Variants in NRF1 observed in about 807,000 individuals in gnomAD.
NRF1 encodes alpha palindromic-binding protein.
A neutral mutation model predicts 58.5 loss-of-function variants in NRF1; 5 were observed. That is an observed-to-expected ratio of 0.09 (90% confidence interval 0.04 to 0.18). The LOEUF is 0.18. Among genes scored for constraint, NRF1 ranks in the 10% least tolerant of loss-of-function variants. NRF1 has a pLI of 1.00. For missense variants in NRF1, 288 were observed against 657.7 expected (o/e 0.44, Z 6.15); for synonymous variants, 224 against 246.7 (o/e 0.91, Z 0.86).
Position 129,611,757 on chromosome 7 carries a change from A to T in NRF1, c.-74A>T. The T allele has an allele frequency of 3.2e-6, 1 of 310,908 alleles. No individual in the cohort carries two copies. Among genetic ancestry groups the T allele is most frequent in the Admixed American group, 5.0e-5 (1 of 19,828 alleles). The allele number at this position is 310,908 out of a possible 1,614,324, so 19.3% of individuals were successfully genotyped here. ...GCTCGCCATTGCCGCTGGTGGCAGG[A>T]GGCTGCGAGGAGCCGGCGCGGTCGC... On this transcript the variant is annotated 5_prime_UTR_variant, in exon 1 of 11. Transcript: ENST00000393232.
chr7:129,673,173 T>C (rs1232008008), intron 3 of NRF1, among the ~76,000 whole-genome samples: 1 of 152,172 alleles, frequency 6.6e-6, no homozygotes, highest in Non-Finnish European at 1.5e-5. Context: ...GAGTTCATGA[T>C]TGAACTTGAC....
intron 1 of NRF1, among the ~76,000 whole-genome samples, chr7:129,637,212 A>G (rs1801185285): frequency 6.6e-6 from 1 of 151,540 alleles, no homozygotes; most frequent in African/African-American, 2.4e-5. Flanking sequence ...TTACATTTTG[A>G]GGTTCTGTAC....
intron 5 of NRF1, among the ~76,000 whole-genome samples, chr7:129,707,923 TAAG>T (rs1198706152): frequency 1.3e-5 from 2 of 152,224 alleles, no homozygotes; most frequent in African/African-American, 4.8e-5. Context: ...ATAAGAATGA[TAAG>T]AATACCTGAT....
At chr7:129,744,115 C>T (rs1803912746) in intron 10 of NRF1, 1 of 1,470,080 alleles carries the variant, frequency 6.8e-7, no homozygotes, top group East Asian at 2.5e-5. Flanking sequence ...GGCTGGTGGC[C>T]CATCTTGCCC....
intron 10 of NRF1, 56 bp downstream of exon 10, chr7:129,727,421 C>T: frequency 6.6e-7 from 1 of 1,520,940 alleles, no homozygotes; most frequent in African/African-American, 1.4e-5. Flanking sequence ...TTAAACCTTC[C>T]TGACATGACT....
intron 8 of NRF1, among the ~76,000 whole-genome samples, chr7:129,712,708 G>A (rs1803101889): frequency 6.6e-6 from 1 of 152,196 alleles, no homozygotes; most frequent in Non-Finnish European, 1.5e-5. Context: ...CAAAGCGTAT[G>A]TGCCTCCTTT....
At chr7:129,678,200 T>C (rs1326765160) in intron 4 of NRF1, among the ~76,000 whole-genome samples, 1 of 152,230 alleles carries the variant, frequency 6.6e-6, no homozygotes, top group East Asian at 1.9e-4. Context: ...AGAATTGATT[T>C]AATACTGTGC....
At chr7:129,663,385 G>A (rs926267002) in intron 2 of NRF1, among the ~76,000 whole-genome samples, 3 of 149,666 alleles carry the variant, frequency 2.0e-5, no homozygotes, top group African/African-American at 4.9e-5. Context: ...GGTGGTGGCC[G>A]GACAGAGGCG....
At chr7:129,692,523 A>G (rs1176668781) in intron 5 of NRF1, among the ~76,000 whole-genome samples, 1 of 152,176 alleles carries the variant, frequency 6.6e-6, no homozygotes, top group Non-Finnish European at 1.5e-5. Flanking sequence ...ACTGCACTCC[A>G]GCCTAGGTGA....
intron 1 of NRF1, among the ~76,000 whole-genome samples, chr7:129,619,393 C>G (rs1472602248): frequency 2.4e-5 from 1 of 42,186 alleles, no homozygotes; most frequent in Non-Finnish European, 4.2e-5. Context: ...ACTTGGCATA[C>G]GTGTATATAT....
intron 1 of NRF1, among the ~76,000 whole-genome samples, chr7:129,655,392 A>G (rs1801628544): frequency 6.6e-6 from 1 of 152,156 alleles, no homozygotes; most frequent in Non-Finnish European, 1.5e-5. Flanking sequence ...GAAGAAAGAC[A>G]GTTCTATTTC....
intron 10 of NRF1, among the ~76,000 whole-genome samples, chr7:129,740,417 G>A (rs1405446445): frequency 1.3e-5 from 2 of 152,314 alleles, no homozygotes; most frequent in Middle Eastern, 3.4e-3. Flanking sequence ...TAGGGCCAGG[G>A]CCAGTGAGTC....
intron 1 of NRF1, among the ~76,000 whole-genome samples, chr7:129,614,443 T>TTGTG (rs56403369): frequency 0.071 from 10,328 of 145,800 alleles, 951 homozygotes; most frequent in East Asian, 0.46. Context: ...AAATATGTAT[T>TTGTG]TGTGTGTGTG....
In NRF1 at chr7:129,755,256, T is replaced by A. The variant is rs1428709544; in HGVS notation, c.*75T>A. On this transcript the variant is annotated 3_prime_UTR_variant, in exon 11 of 11. Transcript: ENST00000393232. The surrounding 1 kb of genome is among the most constrained non-coding windows in gnomAD (Gnocchi z 5.8). ...ACACGTTTGCAGAGGTGCAATCAAA[T>A]GGAATTAAGTCTCTCGACTTTGGAA... The A allele has an allele frequency of 3.9e-6, 5 of 1,287,312 alleles. No homozygotes were observed. Among genetic ancestry groups the A allele is most frequent in the Non-Finnish European group, 5.2e-6 (5 of 968,562 alleles). The allele number at this position is 1,287,312 out of a possible 1,614,324, so 79.7% of individuals were successfully genotyped here.
intron 10 of NRF1, among the ~76,000 whole-genome samples, chr7:129,737,916 C>G (rs1161410958): frequency 6.6e-6 from 1 of 152,084 alleles, no homozygotes; most frequent in Non-Finnish European, 1.5e-5. Flanking sequence ...GCAGGCAGCC[C>G]CTAAGCAACT....
chr7:129,704,212 G>C (rs911248801), intron 5 of NRF1, among the ~76,000 whole-genome samples: 1 of 152,038 alleles, frequency 6.6e-6, no homozygotes, highest in African/African-American at 2.4e-5. Flanking sequence ...TTGATCATTG[G>C]TCCAAATGAT....
At chr7:129,647,624 G>A (rs374593948) in intron 1 of NRF1, among the ~76,000 whole-genome samples, 3 of 152,232 alleles carry the variant, frequency 2.0e-5, no homozygotes, top group South Asian at 2.1e-4. Context: ...TCAAACTTCT[G>A]ACCTCGCGAT....
Position 129,690,393 on chromosome 7 carries a change from T to C in NRF1, c.466-13T>C. 1 of 1,610,748 alleles carries C rather than the reference T, an allele frequency of 6.2e-7. No individual in the cohort carries two copies. ...TGGGCATCTTGTTTACTTCTGCCCT[T>C]AATTCCCTGCAGGTGCGTAAGTACA... On this transcript the variant is annotated splice_polypyrimidine_tract_variant and intron_variant, in intron 4 of 10. Coordinates refer to ENST00000393232, the MANE Select transcript of NRF1 (RefSeq NM_005011.5).
chr7:129,656,722 C>T (rs1225621819), intron 1 of NRF1, among the ~76,000 whole-genome samples: 1 of 150,098 alleles, frequency 6.7e-6, no homozygotes, highest in East Asian at 1.9e-4. Flanking sequence ...TTACAGGCGC[C>T]CACCACCACG....
Sources: gnomAD v4.1 joint callset for allele counts (sites outside exome capture counted in the v4.1 genomes callset) on GRCh38, gnomAD v4.1.1 for gene constraint, Gnocchi (gnomAD v3.1) non-coding constraint, MANE v1.5 for transcripts, NCBI Gene and HGNC (gene_info 2026-07-23, HGNC 2026-07-21) for gene names.